TUSC3: variants seen among roughly 807,000 people sequenced by gnomAD.
The protein encoded by TUSC3 is dolichyl-diphosphooligosaccharide--protein glycosyltransferase subunit TUSC3.
TUSC3 carries 45 observed loss-of-function variants against 44.8 expected under a neutral mutation model. That is an observed-to-expected ratio of 1.00 (90% CI 0.79 to 1.29). The LOEUF (loss-of-function observed/expected upper bound fraction) is 1.29, where lower values mean the gene tolerates loss of function less well. TUSC3 is among the 50% of genes most tolerant of loss of function. TUSC3 has a pLI of 0.00. For synonymous variants in TUSC3, 212 were observed against 152.9 expected (o/e 1.39, Z -2.85); for missense variants, 519 against 437.9 (o/e 1.19, Z -1.65).
At chr8:15,759,140 G>A (rs1812061171) in intron 10 of TUSC3, among the ~76,000 whole-genome samples, 1 of 152,078 alleles carries the variant, frequency 6.6e-6, no homozygotes, top group Admixed American at 6.6e-5. Context: ...AAGGTCAATG[G>A]GCCGGAATGA....
chr8:15,818,896 G>C, the TUSC3 span, among the ~76,000 whole-genome samples: 1 of 152,052 alleles, frequency 6.6e-6, no homozygotes, highest in African/African-American at 2.4e-5. Flanking sequence ...TGTTCACCTT[G>C]TCCTTGTAAT....
chr8:15,641,658 A>G (rs1376582815), intron 2 of TUSC3, among the ~76,000 whole-genome samples: 2 of 152,218 alleles, frequency 1.3e-5, no homozygotes, highest in Admixed American at 1.3e-4. Context: ...TAGTATTGTC[A>G]TGCTAAAAAG....
chr8:15,722,871 A>G (rs1810356534), intron 6 of TUSC3, among the ~76,000 whole-genome samples: 1 of 152,046 alleles, frequency 6.6e-6, no homozygotes, highest in African/African-American at 2.4e-5. Context: ...TTTTCCCTGA[A>G]TATATAGCCT....
chr8:15,448,366 G>A (rs1016227140), intron 1 of TUSC3, among the ~76,000 whole-genome samples: 21 of 151,752 alleles, frequency 1.4e-4, no homozygotes, highest in East Asian at 3.9e-4. Context: ...CAATCCACCC[G>A]CCTTGGCCTC....
At chr8:15,840,176 A>G in the TUSC3 span, among the ~76,000 whole-genome samples, 1 of 152,112 alleles carries the variant, frequency 6.6e-6, no homozygotes, top group Non-Finnish European at 1.5e-5. Context: ...GAACTGAACA[A>G]TGAGAACACT....
chr8:15,796,203 A>G, the TUSC3 span, among the ~76,000 whole-genome samples: 6 of 152,304 alleles, frequency 3.9e-5, no homozygotes, highest in African/African-American at 1.4e-4. Context: ...CAGGCAGCCA[A>G]GGTAACAATC....
At chr8:15,814,247 G>C in the TUSC3 span, among the ~76,000 whole-genome samples, 1 of 152,140 alleles carries the variant, frequency 6.6e-6, no homozygotes, top group South Asian at 2.1e-4. Flanking sequence ...GTGTGTGTGT[G>C]TGGTCTTCCT....
intron 6 of TUSC3, among the ~76,000 whole-genome samples, chr8:15,712,977 T>C (rs1809917996): frequency 6.6e-6 from 1 of 152,178 alleles, no homozygotes; most frequent in Non-Finnish European, 1.5e-5. Flanking sequence ...TTCCATGCTG[T>C]TAAATCAGTT....
intron 9 of TUSC3, among the ~76,000 whole-genome samples, chr8:15,757,578 T>G (rs1478846857): frequency 6.6e-6 from 1 of 152,168 alleles, no homozygotes; most frequent in East Asian, 1.9e-4. Flanking sequence ...TCATGCTGAG[T>G]CCTGGCTTTG....
At position 15,673,834 on chromosome 8, in the gene TUSC3, G is replaced by A; in HGVS notation, c.796G>A (p.Val266Met). 1.9e-6 allele frequency: 3 copies of A among 1,610,704 alleles called. No individual in the cohort carries two copies. The highest frequency in any genetic ancestry group is 2.5e-6 in the Non-Finnish European group (3 of 1,177,378). The change falls in exon 6 of 11, where the codon GTG becomes ATG. Residue 266 changes from valine (V) to methionine (M), a missense_variant and splice_region_variant. Coordinates refer to ENST00000503731, the MANE Select transcript of TUSC3 (RefSeq NM_006765.4). ...TCATAAGAACCCACACAATGGACAA[G>A]TGGTAAGTGTAATTTATAAGCATGA... ...YAHKNPHNGQ[V>M]SYIHGSSQAQ... is the part of the protein sequence containing the mutation.
At chr8:15,552,026 G>A (rs1802077608) in intron 1 of TUSC3, among the ~76,000 whole-genome samples, 1 of 151,668 alleles carries the variant, frequency 6.6e-6, no homozygotes, top group Non-Finnish European at 1.5e-5. Context: ...TTGATTTGAT[G>A]TCTATGCCAT....
intron 10 of TUSC3, 87 bp from the exon 11 acceptor site, chr8:15,764,116 A>G (rs1812258581): frequency 9.5e-6 from 12 of 1,269,166 alleles, no homozygotes; most frequent in Non-Finnish European, 1.1e-5. Context: ...TTATATTTAC[A>G]TGTGCTAATT....
intron 6 of TUSC3, among the ~76,000 whole-genome samples, chr8:15,679,527 C>G (rs1808325477): frequency 6.6e-6 from 1 of 152,070 alleles, no homozygotes; most frequent in Non-Finnish European, 1.5e-5. Context: ...TTTGTATTTT[C>G]TCCTGTTGTG....
the TUSC3 span, among the ~76,000 whole-genome samples, chr8:15,821,978 G>A: frequency 3.2e-4 from 49 of 152,152 alleles, no homozygotes; most frequent in African/African-American, 1.1e-3. Flanking sequence ...CCAGGTAAAA[G>A]ATGATGATGA....
intron 6 of TUSC3, among the ~76,000 whole-genome samples, chr8:15,678,660 T>G (rs1808290747): frequency 6.6e-6 from 1 of 152,152 alleles, no homozygotes; most frequent in Admixed American, 6.6e-5. Flanking sequence ...TTTTAAAAAT[T>G]TTAAATTGAT....
chr8:15,557,821 A>T (rs1433734341), intron 1 of TUSC3, among the ~76,000 whole-genome samples: 1 of 132,270 alleles, frequency 7.6e-6, no homozygotes, highest in African/African-American at 2.8e-5. Context: ...TTGTTGGTGT[A>T]TAAGAATGCT....
At chr8:15,631,875 T>G (rs1329519130) in intron 2 of TUSC3, among the ~76,000 whole-genome samples, 1 of 151,854 alleles carries the variant, frequency 6.6e-6, no homozygotes, top group South Asian at 2.1e-4. Flanking sequence ...CTGGCTAAAT[T>G]TTTTTGTATT....
At chr8:15,711,553 G>A (rs1407307422) in intron 6 of TUSC3, among the ~76,000 whole-genome samples, 1 of 147,898 alleles carries the variant, frequency 6.8e-6, no homozygotes, top group Non-Finnish European at 1.5e-5. Context: ...TGTTTAAATC[G>A]CATTAATGCC....
At chr8:15,456,820 C>T (rs1174663590) in intron 1 of TUSC3, among the ~76,000 whole-genome samples, 4 of 151,988 alleles carry the variant, frequency 2.6e-5, no homozygotes, top group East Asian at 1.9e-4. Flanking sequence ...AACTTGAAAA[C>T]GCTTTAAAAC....
Sources: gnomAD v4.1 joint callset for allele counts (sites outside exome capture counted in the v4.1 genomes callset) on GRCh38, gnomAD v4.1.1 for gene constraint, MANE v1.5 for transcripts, NCBI Gene and HGNC (gene_info 2026-07-23, HGNC 2026-07-21) for gene names.